Variants in PDE10A observed in about 807,000 individuals in gnomAD.
The protein encoded by PDE10A is cAMP and cAMP-inhibited cGMP 3',5'-cyclic phosphodiesterase 10A.
A neutral mutation model predicts 97.7 loss-of-function variants in PDE10A; 39 were observed. The observed-to-expected ratio is 0.40, with a 90% CI of 0.31 to 0.52. The LOEUF (loss-of-function observed/expected upper bound fraction) is 0.52, where lower values mean the gene tolerates loss of function less well. PDE10A is among the 20% of genes least tolerant of loss of function. PDE10A has a pLI of 0.56. For missense variants in PDE10A, 731 were observed against 1,047.8 expected (o/e 0.70, Z 4.17); for synonymous variants, 371 against 376.8 (o/e 0.98, Z 0.18).
rs1378046439 is a variant in PDE10A, at chr6:165,332,936, C to T, written c.*89G>A. Reference sequence around the variant, plus strand: ...GCACCCCAGTTACCAGGTGCAGGTTCCCCCCACCCCCCCCAAAAAAAGGAA... The same window carrying T: ...GCACCCCAGTTACCAGGTGCAGGTTTCCCCCACCCCCCCCAAAAAAAGGAA... On this transcript the variant is annotated 3_prime_UTR_variant, in exon 22 of 22. Coordinates refer to ENST00000539869, the MANE Select transcript of PDE10A (RefSeq NM_001385079.1). The T allele has an allele frequency of 1.4e-5, 7 of 493,112 alleles. No homozygotes were observed. Among genetic ancestry groups the T allele is most frequent in the East Asian group, 5.7e-5 (1 of 17,558 alleles). The allele number at this position is 493,112 out of a possible 1,614,324, so 30.5% of individuals were successfully genotyped here. A position where few individuals can be genotyped will look rare whatever the true frequency, so the allele number is the denominator to read the frequency against.
intron 1 of PDE10A, among the ~76,000 whole-genome samples, chr6:165,862,064 G>A (rs971725741): frequency 2.0e-5 from 3 of 152,198 alleles, no homozygotes; most frequent in African/African-American, 7.2e-5. Context: ...GGTGGGGCCA[G>A]GACGCCTGCG....
At chr6:165,394,877 C>A (rs1222280570) in intron 15 of PDE10A, among the ~76,000 whole-genome samples, 2 of 152,016 alleles carry the variant, frequency 1.3e-5, no homozygotes, top group African/African-American at 4.8e-5. Flanking sequence ...TCAGTAGTAA[C>A]CCCTGTCTCT....
chr6:165,885,902 A>T (rs1781619448), intron 1 of PDE10A, among the ~76,000 whole-genome samples: 1 of 152,224 alleles, frequency 6.6e-6, no homozygotes, highest in Non-Finnish European at 1.5e-5. Flanking sequence ...TTGGCTAAAG[A>T]TAGAGAGACC....
At chr6:165,596,816 A>C (rs1562615174) in intron 1 of PDE10A, among the ~76,000 whole-genome samples, 1 of 152,110 alleles carries the variant, frequency 6.6e-6, no homozygotes, top group Non-Finnish European at 1.5e-5. Flanking sequence ...AAAATCCTTC[A>C]TGGGGTCCTG....
chr6:165,926,278 C>T (rs190599260), intron 1 of PDE10A, among the ~76,000 whole-genome samples: 49 of 152,276 alleles, frequency 3.2e-4, no homozygotes, highest in Admixed American at 2.1e-3. Flanking sequence ...TAGTAAGAAG[C>T]CATCCATCCT....
intron 2 of PDE10A, among the ~76,000 whole-genome samples, chr6:165,542,738 C>T (rs903609798): frequency 1.3e-5 from 2 of 151,074 alleles, no homozygotes; most frequent in African/African-American, 2.4e-5. Context: ...CCTGCCTCAG[C>T]CTCCTGAGTA....
At chr6:165,340,879 C>CCAA (rs2128178984) in intron 19 of PDE10A, among the ~76,000 whole-genome samples, 1 of 152,268 alleles carries the variant, frequency 6.6e-6, no homozygotes, top group East Asian at 1.9e-4. Flanking sequence ...TGTATTACAA[C>CCAA]AAGAGGATCA....
chr6:165,966,961 A>G (rs1432268097), intron 1 of PDE10A, among the ~76,000 whole-genome samples: 1 of 152,220 alleles, frequency 6.6e-6, no homozygotes, highest in Non-Finnish European at 1.5e-5. Context: ...AATGAGGGTA[A>G]TACACTATGT....
At chr6:165,674,185 C>G (rs866248208) in intron 1 of PDE10A, among the ~76,000 whole-genome samples, 1 of 152,052 alleles carries the variant, frequency 6.6e-6, no homozygotes, top group Non-Finnish European at 1.5e-5. Flanking sequence ...AGACTTTTGC[C>G]GAACTTCATT....
chr6:165,605,412 CTG>C (rs1787160844), intron 1 of PDE10A, among the ~76,000 whole-genome samples: 8 of 152,348 alleles, frequency 5.3e-5, no homozygotes, highest in African/African-American at 1.4e-4. Context: ...CAACTGTGCT[CTG>C]CACTGTTCTA....
At chr6:165,497,592 A>G (rs1011309875) in intron 2 of PDE10A, among the ~76,000 whole-genome samples, 1 of 152,242 alleles carries the variant, frequency 6.6e-6, no homozygotes, top group Admixed American at 6.5e-5. Flanking sequence ...AACCACGTAT[A>G]TACGACTCTT....
intron 1 of PDE10A, among the ~76,000 whole-genome samples, chr6:165,549,794 T>C (rs988511207): frequency 1.4e-4 from 21 of 152,300 alleles, no homozygotes; most frequent in African/African-American, 5.1e-4. Flanking sequence ...CACCTTAATA[T>C]CTATAAAAAT....
chr6:165,931,126 A>C (rs1562803597), intron 1 of PDE10A, among the ~76,000 whole-genome samples: 1 of 152,172 alleles, frequency 6.6e-6, no homozygotes, highest in Non-Finnish European at 1.5e-5. Flanking sequence ...CCACTTTCCC[A>C]TGGTGGTCTC....
At chr6:165,443,283 G>C (rs1232799059) in intron 5 of PDE10A, among the ~76,000 whole-genome samples, 1 of 152,070 alleles carries the variant, frequency 6.6e-6, no homozygotes, top group Non-Finnish European at 1.5e-5. Context: ...CAAACAAATG[G>C]GGTACAGGCC....
At chr6:165,625,579 C>T (rs1583669618) in intron 1 of PDE10A, among the ~76,000 whole-genome samples, 1 of 152,282 alleles carries the variant, frequency 6.6e-6, no homozygotes, top group East Asian at 1.9e-4. Context: ...TCCAGAATTC[C>T]CACCTGTCAT....
At chr6:165,509,237 C>T (rs1305358690) in intron 2 of PDE10A, among the ~76,000 whole-genome samples, 1 of 151,836 alleles carries the variant, frequency 6.6e-6, no homozygotes, top group East Asian at 1.9e-4. Flanking sequence ...GAGTACTTAT[C>T]ATTTCTATGT....
chr6:165,766,754 G>A (rs1777861250), intron 1 of PDE10A, among the ~76,000 whole-genome samples: 1 of 152,182 alleles, frequency 6.6e-6, no homozygotes. Context: ...CACTTCAGAG[G>A]TATTTAAAGA....
chr6:165,906,060 CCCTCCGTCCCTTCCTTCCT>C (rs1782272245), intron 1 of PDE10A, among the ~76,000 whole-genome samples: 1 of 25,890 alleles, frequency 3.9e-5, no homozygotes, highest in Non-Finnish European at 9.5e-5. Context: ...CTCCCTCCCT[CCCTCCGTCCCTTCCTTCCT>C]CCCTCCCTCC....
At chr6:165,745,486 A>G (rs1792822871) in intron 1 of PDE10A, among the ~76,000 whole-genome samples, 1 of 152,232 alleles carries the variant, frequency 6.6e-6, no homozygotes, top group African/African-American at 2.4e-5. Context: ...ATTAAAAATA[A>G]TATCTTTACC....
Sources: gnomAD v4.1 joint callset for allele counts (sites outside exome capture counted in the v4.1 genomes callset) on GRCh38, gnomAD v4.1.1 for gene constraint, MANE v1.5 for transcripts, NCBI Gene and HGNC (gene_info 2026-07-23, HGNC 2026-07-21) for gene names.